Variants in KCNT2 observed in about 807,000 individuals in gnomAD.
The protein encoded by KCNT2 is potassium sodium-activated channel subfamily T member 2.
A neutral mutation model predicts 153.8 loss-of-function variants in KCNT2; 67 were observed. The ratio of observed to expected loss-of-function variants is 0.44; its 90% CI spans 0.36 to 0.53. The LOEUF (loss-of-function observed/expected upper bound fraction) is 0.53, where lower values mean the gene tolerates loss of function less well. KCNT2 is among the 20% of genes least tolerant of loss of function. The probability of loss-of-function intolerance (pLI) is 0.00; values close to 1 mark genes in which losing one functional copy is unlikely to be tolerated. For missense variants in KCNT2, 975 were observed against 1,354.8 expected (o/e 0.72, Z 4.40); for synonymous variants, 500 against 458.8 (o/e 1.09, Z -1.15).
intron 1 of KCNT2, among the ~76,000 whole-genome samples, chr1:196,535,868 G>A (rs1320984632): frequency 1.3e-5 from 2 of 152,230 alleles, no homozygotes; most frequent in Non-Finnish European, 2.9e-5. Flanking sequence ...TGCCACACAT[G>A]GCATTGGATA....
chr1:196,355,875 T>G (rs1246312052), intron 14 of KCNT2, among the ~76,000 whole-genome samples: 1 of 151,768 alleles, frequency 6.6e-6, no homozygotes, highest in African/African-American at 2.4e-5. Flanking sequence ...TACATTGTAC[T>G]TTCCCCTCTC....
intron 27 of KCNT2, among the ~76,000 whole-genome samples, chr1:196,229,640 T>C (rs1653777638): frequency 6.6e-6 from 1 of 152,104 alleles, no homozygotes; most frequent in Non-Finnish European, 1.5e-5. Context: ...TTAGGTCTTT[T>C]GTGCCAGTTA....
At chr1:196,533,910 G>A (rs1341049143) in intron 1 of KCNT2, among the ~76,000 whole-genome samples, 1 of 152,102 alleles carries the variant, frequency 6.6e-6, no homozygotes, top group Non-Finnish European at 1.5e-5. Flanking sequence ...GGTAACTAGG[G>A]CCCCTCCACT....
At chr1:196,435,139 G>GTATGTATA (rs1674522004) in intron 8 of KCNT2, among the ~76,000 whole-genome samples, 1 of 45,716 alleles carries the variant, frequency 2.2e-5, no homozygotes, top group Non-Finnish European at 3.9e-5. Context: ...GTGTGTGTAT[G>GTATGTATA]TATATATATA....
chr1:196,249,367 T>C (rs1016105099), intron 26 of KCNT2, among the ~76,000 whole-genome samples: 3 of 152,176 alleles, frequency 2.0e-5, no homozygotes, highest in Non-Finnish European at 2.9e-5. Flanking sequence ...AATCAAATTA[T>C]CCTTGTTTGC....
intron 12 of KCNT2, among the ~76,000 whole-genome samples, chr1:196,405,254 C>T (rs1035283951): frequency 8.6e-5 from 13 of 150,578 alleles, no homozygotes; most frequent in African/African-American, 2.2e-4. Context: ...CTCCATATTT[C>T]GAATCATAGA....
rs569276442 is a variant in KCNT2 at position 196,275,236 on chromosome 1, C to A, written c.2910+5624G>T. Among the ~76,000 whole-genome samples, 15 of 151,780 alleles carry A rather than the reference C, an allele frequency of 9.9e-5. No individual in the cohort carries two copies. In the South Asian group the frequency reaches 3.1e-3, roughly 31 times the overall value. On this transcript the variant is annotated intron_variant, in intron 25 of 27. Coordinates refer to ENST00000294725, the MANE Select transcript of KCNT2 (RefSeq NM_198503.5). ...TCCTTCCTATATATGTTGTTCGAAC[C>A]AGGAGTATCTGATGTTTGTCAAAAT...
At chr1:196,383,161 T>C (rs541447734) in intron 13 of KCNT2, among the ~76,000 whole-genome samples, 4 of 152,192 alleles carry the variant, frequency 2.6e-5, no homozygotes, top group African/African-American at 9.6e-5. Context: ...GGAATAATGG[T>C]TCTCAAGCTA....
chr1:196,381,780 C>G lies in KCNT2; in HGVS notation c.1295-8532G>C, dbSNP rs141040312. ...CTGATGACTGAGAAAACACAACCAC[C>G]AAGCTCCCCGAACACCTGTCGTGTA... is the stretch of plus-strand genomic sequence containing the variant. On this transcript the variant is annotated intron_variant, in intron 13 of 27. Transcript: ENST00000294725. 2.8e-4 allele frequency among the ~76,000 whole-genome samples: 43 copies of G among 152,222 alleles called. No homozygotes were observed. In the East Asian group the frequency reaches 7.2e-3, roughly 25 times the overall value.
intron 26 of KCNT2, among the ~76,000 whole-genome samples, chr1:196,244,632 A>C (rs1571774170): frequency 1.3e-5 from 2 of 151,844 alleles, no homozygotes; most frequent in African/African-American, 4.8e-5. Flanking sequence ...AAGGGGAGGG[A>C]AGAGAGGGAT....
chr1:196,282,092 T>A (rs1296892650), intron 24 of KCNT2, among the ~76,000 whole-genome samples, 181 bp downstream of exon 24: 1 of 152,116 alleles, frequency 6.6e-6, no homozygotes, highest in Non-Finnish European at 1.5e-5. Context: ...TTATTATGAT[T>A]ATTAAGTAAA....
chr1:196,380,495 A>C (rs1027569754), intron 13 of KCNT2, among the ~76,000 whole-genome samples: 51 of 152,202 alleles, frequency 3.4e-4, no homozygotes, highest in African/African-American at 1.2e-3. Flanking sequence ...AAAGTACTAG[A>C]AACCTCTTCC....
At chr1:196,281,915 A>G (rs1659143299) in intron 24 of KCNT2, among the ~76,000 whole-genome samples, 1 of 151,730 alleles carries the variant, frequency 6.6e-6, no homozygotes, top group Non-Finnish European at 1.5e-5. Context: ...ACACCCAGCT[A>G]ATTTTTTGTA....
intron 26 of KCNT2, among the ~76,000 whole-genome samples, chr1:196,256,888 G>A (rs1034474424): frequency 6.6e-6 from 1 of 151,862 alleles, no homozygotes; most frequent in African/African-American, 2.4e-5. Flanking sequence ...CACCTTCCAT[G>A]TAAATTAATT....
intron 1 of KCNT2, among the ~76,000 whole-genome samples, chr1:196,505,322 C>G (rs1219442232): frequency 2.0e-5 from 3 of 152,168 alleles, no homozygotes; most frequent in Non-Finnish European, 4.4e-5. Flanking sequence ...GTTTTCCCGG[C>G]ACCATTTATT....
intron 1 of KCNT2, among the ~76,000 whole-genome samples, chr1:196,515,426 A>G (rs1335289937): frequency 3.3e-5 from 5 of 151,914 alleles, no homozygotes; most frequent in Admixed American, 2.6e-4. Context: ...ACTTATGAAA[A>G]TATGCATATT....
At chr1:196,536,235 C>T (rs994524097) in intron 1 of KCNT2, among the ~76,000 whole-genome samples, 2 of 152,232 alleles carry the variant, frequency 1.3e-5, no homozygotes, top group Non-Finnish European at 2.9e-5. Context: ...AGAAAGACAT[C>T]TTTCCTACCA....
At chr1:196,259,063 T>C (rs1258396197) in intron 25 of KCNT2, among the ~76,000 whole-genome samples, 2 of 152,180 alleles carry the variant, frequency 1.3e-5, no homozygotes, top group Non-Finnish European at 2.9e-5. Context: ...TTTTAACTCA[T>C]GCATTTATTA....
At chr1:196,352,219 T>G (rs1468063630) in intron 14 of KCNT2, among the ~76,000 whole-genome samples, 4 of 152,032 alleles carry the variant, frequency 2.6e-5, no homozygotes, top group Non-Finnish European at 5.9e-5. Context: ...GCTGGCCTCA[T>G]AAAATGAGTT....
Sources: allele counts gnomAD v4.1 joint callset (sites outside exome capture counted in the v4.1 genomes callset), GRCh38; gene constraint gnomAD v4.1.1; transcripts MANE v1.5; gene names NCBI Gene and HGNC (gene_info 2026-07-23, HGNC 2026-07-21).